The following TAGAP variants were observed in gnomAD, a reference collection of about 807,000 sequenced individuals.
The protein encoded by TAGAP is T cell activation RhoGTPase activating protein, also known as T-cell activation Rho GTPase-activating protein.
A neutral mutation model predicts 36.0 loss-of-function variants in TAGAP; 16 were observed. That is an observed-to-expected ratio of 0.44 (90% CI 0.30 to 0.68). TAGAP has a LOEUF of 0.68. Ranked by LOEUF, TAGAP falls within the 30% of genes least tolerant of loss-of-function variation. TAGAP has a pLI of 0.09. For missense variants in TAGAP, 794 were observed against 921.5 expected (o/e 0.86, Z 1.79); for synonymous variants, 372 against 377.4 (o/e 0.99, Z 0.17).
In TAGAP at chr6:159,041,846, C is replaced by A. The variant is rs1425161527; in HGVS notation, c.315+232G>T. Reference sequence around the variant, plus strand: ...CCACTCTGTGAAGTCAGAGGAATGGCGGGACCATAGCTCTGAGCTCATTGG... The same window carrying A: ...CCACTCTGTGAAGTCAGAGGAATGGAGGGACCATAGCTCTGAGCTCATTGG... On this transcript the variant is annotated intron_variant, in intron 5 of 9. Transcript: ENST00000367066. This position sits in a 1 kb window ranked among gnomAD's most constrained non-coding sequence, Gnocchi z 4.1. 1.8e-6 allele frequency: 1 copy of A among 568,042 alleles called. No homozygotes were observed. Among genetic ancestry groups the A allele is most frequent in the Non-Finnish European group, 3.1e-6 (1 of 327,410 alleles). The allele number at this position is 568,042 out of a possible 1,614,324, so 35.2% of individuals were successfully genotyped here. A position where few individuals can be genotyped will look rare whatever the true frequency, so the allele number is the denominator to read the frequency against.
intron 9 of TAGAP, 55 bp downstream of exon 9, chr6:159,038,051 TGACTGGCA>T: frequency 2.8e-6 from 3 of 1,083,454 alleles, no homozygotes; most frequent in Non-Finnish European, 4.2e-6. Context: ...ATGCTTTACA[TGACTGGCA>T]GACTGGCATG....
Position 159,037,862 on chromosome 6 carries a change from A to C in TAGAP, c.898+252T>G, listed in dbSNP as rs538236510. On this transcript the variant is annotated intron_variant, in intron 9 of 9. Transcript: ENST00000367066. This position sits in a 1 kb window ranked among gnomAD's most constrained non-coding sequence, Gnocchi z 5.1. ...CCAACTCCAGAGCTAAAGGTAGCTT[A>C]GTGAAATCAGCAGTGATTTGCGATG... Among the ~76,000 whole-genome samples, 18 of 152,320 alleles carry C rather than the reference A, an allele frequency of 1.2e-4. No individual in the cohort carries two copies. Among genetic ancestry groups the C allele is most frequent in the African/African-American group, 4.3e-4 (18 of 41,580 alleles).
rs746089568 is a variant in TAGAP, at chr6:159,041,539, A to G, written c.316-24T>C. 1.2e-6 allele frequency: 2 copies of G among 1,608,258 alleles called. No homozygotes were observed. Among genetic ancestry groups the G allele is most frequent in the Non-Finnish European group, 1.7e-6 (2 of 1,177,546 alleles). ...TCCTAAAGGAAACAGCAATAGGAAC[A>G]GGAAAGGGTTACCCTTCTTCTTTAG... On this transcript the variant is annotated intron_variant, in intron 5 of 9. Transcript: ENST00000367066. The surrounding 1 kb of genome is among the most constrained non-coding windows in gnomAD (Gnocchi z 4.1).
At chr6:159,043,745 T>C in intron 3 of TAGAP, 90 bp from the exon 4 acceptor site, 2 of 1,339,912 alleles carry the variant, frequency 1.5e-6, no homozygotes, top group East Asian at 4.6e-5. Context: ...ATTTTATTCA[T>C]ATTAAAAATG....
rs539623304 is a variant in TAGAP, at chr6:159,038,514, G to C, written c.784-286C>G. On this transcript the variant is annotated intron_variant, in intron 8 of 9. Transcript: ENST00000367066. ...AGCGATTCTCCCGCCTCAGCCTTCC[G>C]AGCAGCTGGGACTACGGGCGCCCGC... 2.0e-3 allele frequency among the ~76,000 whole-genome samples: 298 copies of C among 151,644 alleles called. 3 individuals are homozygous for C. The highest frequency in any genetic ancestry group is 3.6e-3 in the Non-Finnish European group (247 of 67,926).
rs1203403669 is a variant in TAGAP, at chr6:159,037,775, C to T, written c.898+339G>A. On this transcript the variant is annotated intron_variant, in intron 9 of 9. Transcript: ENST00000367066. This position sits in a 1 kb window ranked among gnomAD's most constrained non-coding sequence, Gnocchi z 5.1. ...TTAATTTTTAAAACTGCTCCTTTTA[C>T]TGGACCCATTTTCATTGTGATGGAG... 3.9e-5 allele frequency among the ~76,000 whole-genome samples: 6 copies of T among 152,178 alleles called. No individual in the cohort carries two copies. Among genetic ancestry groups the T allele is most frequent in the Admixed American group, 3.9e-4 (6 of 15,286 alleles).
At position 159,036,395 on chromosome 6, in the gene TAGAP, A is replaced by G; in HGVS notation, c.1628T>C (p.Val543Ala). The G allele has an allele frequency of 1.2e-6, 2 of 1,613,778 alleles. No individual in the cohort carries two copies. Among genetic ancestry groups the G allele is most frequent in the Non-Finnish European group, 1.7e-6 (2 of 1,179,974 alleles). ...GCCGGCAAGCTGGCTTTCCTTTCTG[A>G]CACCCCTCGGGACGTGGTCCCTGGT... ...DFTRDHVPRGVRKESQLAGRI... is the reference protein window; with the variant it reads ...DFTRDHVPRGARKESQLAGRI... Residue 543 changes from valine (V) to alanine (A), a missense_variant, in exon 10 of 10, where the codon GTC becomes GCC. Transcript: ENST00000367066. This position sits in a 1 kb window ranked among gnomAD's most constrained non-coding sequence, Gnocchi z 4.9.
At chr6:159,038,750 A>T (rs181495776) in intron 8 of TAGAP, among the ~76,000 whole-genome samples, 2 of 152,276 alleles carry the variant, frequency 1.3e-5, no homozygotes, top group South Asian at 4.1e-4. Flanking sequence ...AAATTTAAGA[A>T]CTTAAAAAAA....
At chr6:159,042,308 G>A (rs1329801871) in intron 4 of TAGAP, 64 bp from the exon 5 acceptor site, 1 of 1,552,316 alleles carries the variant, frequency 6.4e-7, no homozygotes. Context: ...CAAAGATCCA[G>A]GTAAGAAAAT....
rs538736372 is a variant in TAGAP at position 159,034,647 on chromosome 6, A to G, written c.*1180T>C. ...CCAATAATTAAGCAAACTGAGCATC[A>G]TAAGAATGAGGTGAGATGTAAAATT... is the stretch of plus-strand genomic sequence containing the variant. On this transcript the variant is annotated 3_prime_UTR_variant, in exon 10 of 10. Transcript: ENST00000367066. 3 of 152,240 alleles carry G rather than the reference A, an allele frequency of 2.0e-5. No individual in the cohort carries two copies. The highest frequency in any genetic ancestry group is 2.9e-5 in the Non-Finnish European group (2 of 68,042). The allele number at this position is 152,240 out of a possible 1,614,324, so 9.4% of individuals were successfully genotyped here. A position where few individuals can be genotyped will look rare whatever the true frequency, so the allele number is the denominator to read the frequency against.
At chr6:159,044,647 A>AC (rs1382795819) in intron 1 of TAGAP, among the ~76,000 whole-genome samples, 1 of 152,086 alleles carries the variant, frequency 6.6e-6, no homozygotes, top group African/African-American at 2.4e-5. Flanking sequence ...AAAAAAAAAA[A>AC]AACATATCCC....
intron 8 of TAGAP, chr6:159,038,830 G>A (rs745817111): frequency 1.6e-5 from 19 of 1,153,062 alleles, no homozygotes; most frequent in Non-Finnish European, 2.1e-5. Flanking sequence ...AGACTGTGGT[G>A]TACAAAACAC....
At position 159,035,992 on chromosome 6, in the gene TAGAP, C is replaced by T; in HGVS notation, c.2031G>A (p.Gly677=). 6.2e-7 allele frequency: 1 copy of T among 1,614,032 alleles called. No individual in the cohort carries two copies. The highest frequency in any genetic ancestry group is 8.5e-7 in the Non-Finnish European group (1 of 1,179,920). The change falls in exon 10 of 10, where the codon GGG becomes GGA. Residue 677 remains glycine (G), a synonymous_variant. Transcript: ENST00000367066. ...WKQSRTVHAS[G]DSLGHVSGPG... is the part of the protein sequence containing the mutation. ...GGCCAGACACGTGCCCCAGAGAGTC[C>T]CCAGAAGCATGGACAGTTCTGCTCT...
At position 159,036,334 on chromosome 6, in the gene TAGAP, G is replaced by A. The variant is rs1302527214; in HGVS notation, c.1689C>T (p.Asn563=). The A allele has an allele frequency of 2.0e-5, 32 of 1,613,582 alleles. No individual in the cohort carries two copies. Among genetic ancestry groups the A allele is most frequent in the African/African-American group, 2.7e-5 (2 of 74,798 alleles). The change falls in exon 10 of 10, where the codon AAC becomes AAT. Residue 563 remains asparagine, a synonymous_variant. Transcript: ENST00000367066. This position sits in a 1 kb window ranked among gnomAD's most constrained non-coding sequence, Gnocchi z 4.9. ...TCAGGCAGAAGCCGCGGGCTGTTTGGTTGTGGGTTTCACACCCATTTTCCT... is the reference window on the plus strand; with the variant it reads ...TCAGGCAGAAGCCGCGGGCTGTTTGATTGTGGGTTTCACACCCATTTTCCT... ...IVQENGCETH[N]QTARGFCLRP...
intron 8 of TAGAP, chr6:159,038,833 C>A (rs772035215): frequency 1.5e-4 from 178 of 1,203,808 alleles, no homozygotes; most frequent in Non-Finnish European, 9.5e-5. Context: ...CTGTGGTGTA[C>A]AAAACACAAA....
chr6:159,040,851 C>A lies in TAGAP; in HGVS notation c.478-19G>T. The A allele has an allele frequency of 6.3e-7, 1 of 1,593,808 alleles. No individual in the cohort carries two copies. On this transcript the variant is annotated intron_variant, in intron 6 of 9. Coordinates refer to ENST00000367066, the MANE Select transcript of TAGAP (RefSeq NM_054114.5). ...GGAAGTCCTGGGGGATGAGAGTGGG[C>A]TGTTGGCCTATTGGTACTGTATGAT...
chr6:159,037,044 A>C lies in TAGAP; in HGVS notation c.979T>G (p.Ser327Ala). 3.1e-6 allele frequency: 5 copies of C among 1,613,246 alleles called. No individual in the cohort carries two copies. The highest frequency in any genetic ancestry group is 4.2e-6 in the Non-Finnish European group (5 of 1,180,016). Reference sequence around the variant, plus strand: ...GGCACCTGGGGCTGCCTGCTGGGAGAGCTGATGCCACTGCTGCTGTTGGAT... The same window carrying C: ...GGCACCTGGGGCTGCCTGCTGGGAGCGCTGATGCCACTGCTGCTGTTGGAT... ...VESNSSSGISSPSRQPQVPMA... is the reference protein window; with the variant it reads ...VESNSSSGISAPSRQPQVPMA... The change falls in exon 10 of 10, where the codon TCT (serine) becomes GCT (alanine). Residue 327 changes from serine to alanine, a missense_variant. Ser to Ala is a moderately conservative substitution (Grantham distance 99, BLOSUM62 1). Transcript: ENST00000367066. This position sits in a 1 kb window ranked among gnomAD's most constrained non-coding sequence, Gnocchi z 5.1.
chr6:159,038,046 T>G, intron 9 of TAGAP, 68 bp downstream of exon 9: 1 of 1,032,864 alleles, frequency 9.7e-7, no homozygotes. Flanking sequence ...CAGAGATGCT[T>G]TACATGACTG....
Position 159,037,962 on chromosome 6 carries a change from G to GT in TAGAP, c.898+151dup. 1 of 515,158 alleles carries GT rather than the reference G, an allele frequency of 1.9e-6. No homozygotes were observed. Among genetic ancestry groups the GT allele is most frequent in the Admixed American group, 3.5e-5 (1 of 28,714 alleles). 31.9% of individuals were successfully genotyped at this position (515,158 alleles called of 1,614,324 possible). A position where few individuals can be genotyped will look rare whatever the true frequency, so the allele number is the denominator to read the frequency against. The stretch of plus-strand genomic sequence containing the variant: ...GAAAAGCCCGGAGCAGGGTTTTCAT[G>GT]TTTAATGACTTCCTAATGGACTGGA... On this transcript the variant is annotated intron_variant, in intron 9 of 9. Transcript: ENST00000367066. The surrounding 1 kb of genome is among the most constrained non-coding windows in gnomAD (Gnocchi z 5.1).
Sources: allele counts gnomAD v4.1 joint callset (sites outside exome capture counted in the v4.1 genomes callset), GRCh38; gene constraint gnomAD v4.1.1; non-coding constraint Gnocchi (gnomAD v3.1); transcripts MANE v1.5; gene names NCBI Gene and HGNC (gene_info 2026-07-23, HGNC 2026-07-21).